The following CTNNB1 variants were observed in gnomAD, a reference collection of about 807,000 sequenced individuals.
CTNNB1 encodes the protein catenin beta 1.
A neutral mutation model predicts 82.5 loss-of-function variants in CTNNB1; 6 were observed. That is an observed-to-expected ratio of 0.07 (90% CI 0.04 to 0.14). The LOEUF (loss-of-function observed/expected upper bound fraction) is 0.14. CTNNB1 is among the 10% of genes least tolerant of loss of function. CTNNB1 has a pLI of 1.00. For synonymous variants in CTNNB1, 312 were observed against 329.7 expected, an observed-to-expected ratio of 0.95 and a Z score of 0.58; for missense variants, 529 against 980.4, an observed-to-expected ratio of 0.54 and a Z score of 6.15.
intron 1 of CTNNB1, among the ~76,000 whole-genome samples, chr3:41,219,779 A>G (rs1018192156): frequency 1.3e-5 from 2 of 152,188 alleles, no homozygotes; most frequent in Non-Finnish European, 2.9e-5. Context: ...TAAACTCAGT[A>G]ACAGTGTTTC....
At chr3:41,217,384 A>G (rs1363920133) in intron 1 of CTNNB1, among the ~76,000 whole-genome samples, 3 of 152,232 alleles carry the variant, frequency 2.0e-5, no homozygotes, top group African/African-American at 4.8e-5. Flanking sequence ...CACTGTATGT[A>G]TGATCTTGTT....
rs2078529443 is a variant in CTNNB1, at chr3:41,239,713, C to T, written c.*371C>T. ...GGCCTGTAGAGTTGCTGAGAGGGCT[C>T]GAGGGGTGGGCTGGTATCTCAGAAA... On this transcript the variant is annotated 3_prime_UTR_variant, in exon 15 of 15. Coordinates refer to ENST00000349496, the MANE Select transcript of CTNNB1 (RefSeq NM_001904.4). 2 of 376,554 alleles carry T rather than the reference C, an allele frequency of 5.3e-6. No individual in the cohort carries two copies. The highest frequency in any genetic ancestry group is 9.8e-6 in the Non-Finnish European group (2 of 203,076). The allele number at this position is 376,554 out of a possible 1,614,324, so 23.3% of individuals were successfully genotyped here. A position where few individuals can be genotyped will look rare whatever the true frequency, so the allele number is the denominator to read the frequency against.
chr3:41,232,240 T>C (rs2078326062), intron 7 of CTNNB1, among the ~76,000 whole-genome samples: 1 of 152,100 alleles, frequency 6.6e-6, no homozygotes, highest in South Asian at 2.1e-4. Context: ...CTCTTAGAGT[T>C]AATAGTTATG....
At chr3:41,224,421 C>G (rs1382338834) in intron 2 of CTNNB1, 105 bp from the exon 3 acceptor site, 1 of 1,217,958 alleles carries the variant, frequency 8.2e-7, no homozygotes, top group African/African-American at 1.5e-5. Flanking sequence ...TCAGATTTGA[C>G]TTTATTTCTA....
In CTNNB1 at chr3:41,225,408, T is replaced by C. The variant is rs779668005; in HGVS notation, c.570T>C (p.Arg190=). ...AAGCTTCCAGACACGCTATCATGCG[T>C]TCTCCTCAGATGGTGTCTGCTATTG... ...KKEASRHAIM[R]SPQMVSAIVR... The change falls in exon 5 of 15, where the codon CGT becomes CGC. Residue 190 remains arginine, a synonymous_variant. Transcript: ENST00000349496. The surrounding 1 kb of genome is among the most constrained non-coding windows in gnomAD (Gnocchi z 5.3). The C allele has an allele frequency of 1.2e-6, 2 of 1,613,930 alleles. No individual in the cohort carries two copies. The highest frequency in any genetic ancestry group is 2.2e-5 in the South Asian group (2 of 91,070).
chr3:41,205,154 A>G lies in CTNNB1; in HGVS notation c.-49+5484A>G, dbSNP rs137932516. Among the ~76,000 whole-genome samples the G allele has an allele frequency of 2.4e-3, 363 of 152,318 alleles. 1 individual carries two copies. The highest frequency in any genetic ancestry group is 0.01 in the Middle Eastern group (3 of 294). On this transcript the variant is annotated intron_variant, in intron 1 of 14. Coordinates refer to ENST00000349496, the MANE Select transcript of CTNNB1 (RefSeq NM_001904.4). ...GTCAAATGCTGGACAAATTCTGTGT[A>G]TACAACTCAAGTCAGCCCCCAATTT...
In CTNNB1 at chr3:41,238,003, C is replaced by T; in HGVS notation, c.2077-13C>T. ...GCTTTCTATTCTTCCTTGCTTTGTG[C>T]ATGTTTATCTAGACTGCTGATCTTG... On this transcript the variant is annotated splice_polypyrimidine_tract_variant and intron_variant, in intron 13 of 14. Coordinates refer to ENST00000349496, the MANE Select transcript of CTNNB1 (RefSeq NM_001904.4). 1 of 1,611,800 alleles carries T rather than the reference C, an allele frequency of 6.2e-7. No homozygotes were observed. Among genetic ancestry groups the T allele is most frequent in the Non-Finnish European group, 8.5e-7 (1 of 1,177,928 alleles).
chr3:41,204,971 A>T (rs1041018379), intron 1 of CTNNB1, among the ~76,000 whole-genome samples: 1 of 152,246 alleles, frequency 6.6e-6, no homozygotes, highest in Admixed American at 6.5e-5. Flanking sequence ...TTATCAACTT[A>T]TTTGTGAAGA....
intron 1 of CTNNB1, among the ~76,000 whole-genome samples, chr3:41,219,739 A>G (rs2077997904): frequency 6.6e-6 from 1 of 152,214 alleles, no homozygotes; most frequent in Non-Finnish European, 1.5e-5. Context: ...TTGTGGAGCT[A>G]TGCATGAAAG....
At chr3:41,208,982 GA>G in intron 1 of CTNNB1, among the ~76,000 whole-genome samples, 1 of 151,984 alleles carries the variant, frequency 6.6e-6, no homozygotes, top group Admixed American at 6.5e-5. Context: ...GTTTTCTTTT[GA>G]ACCCCTGCCA....
intron 10 of CTNNB1, chr3:41,235,489 C>T: frequency 1.8e-6 from 1 of 571,224 alleles, no homozygotes; most frequent in Non-Finnish European, 3.1e-6. Context: ...GGATTCAGCG[C>T]TGTATGGAAG....
chr3:41,226,678 T>C (rs898629745), intron 6 of CTNNB1, among the ~76,000 whole-genome samples: 4 of 152,168 alleles, frequency 2.6e-5, no homozygotes, highest in Non-Finnish European at 4.4e-5. Flanking sequence ...AGCAGAAGCC[T>C]GAAATGATGA....
rs577989463 is a variant in CTNNB1 at position 41,238,490 on chromosome 3, A to C, written c.2137+414A>C. The C allele has an allele frequency of 1.6e-4, 32 of 199,478 alleles. No individual in the cohort carries two copies. The Middle Eastern group carries it at 0.011, about 68-fold the overall frequency. The allele number at this position is 199,478 out of a possible 1,614,324, so 12.4% of individuals were successfully genotyped here. On this transcript the variant is annotated intron_variant, in intron 14 of 14. Transcript: ENST00000349496. Reference sequence around the variant, plus strand: ...CATTATCATCAGGGTTTTCTTGAAAAGCTAATTTAAATCTGGGTAATGAAC... The same window carrying C: ...CATTATCATCAGGGTTTTCTTGAAACGCTAATTTAAATCTGGGTAATGAAC...
intron 1 of CTNNB1, among the ~76,000 whole-genome samples, chr3:41,218,442 C>A (rs1022545912): frequency 6.6e-6 from 1 of 152,092 alleles, no homozygotes; most frequent in African/African-American, 2.4e-5. Context: ...CATTTACTCT[C>A]GTATGTATCT....
chr3:41,224,504 T>G, intron 2 of CTNNB1, 22 bp from the exon 3 acceptor site: 1 of 1,584,630 alleles, frequency 6.3e-7, no homozygotes, highest in East Asian at 2.2e-5. Flanking sequence ...CTACTAATGC[T>G]AATACTGTTT....
At chr3:41,200,168 A>G (rs2077493370) in intron 1 of CTNNB1, 1 of 152,088 alleles carries the variant, frequency 6.6e-6, no homozygotes, top group Non-Finnish European at 1.5e-5. Context: ...AGTCCTGGGG[A>G]TCGGACCAGT....
At chr3:41,235,621 G>A (rs752267360) in intron 10 of CTNNB1, 103 bp from the exon 11 acceptor site, 185 of 1,483,888 alleles carry the variant, frequency 1.2e-4, no homozygotes, top group Non-Finnish European at 1.6e-4. Flanking sequence ...TGCAAGTTAC[G>A]GGGAACTTCG....
intron 1 of CTNNB1, among the ~76,000 whole-genome samples, chr3:41,213,614 T>C (rs1401422556): frequency 6.6e-6 from 1 of 152,206 alleles, no homozygotes; most frequent in Admixed American, 6.5e-5. Context: ...GGTATTGCTA[T>C]GACCTGAAAC....
chr3:41,227,571 G>A (rs1487041600), intron 7 of CTNNB1, among the ~76,000 whole-genome samples: 7 of 152,242 alleles, frequency 4.6e-5, no homozygotes, highest in Middle Eastern at 3.4e-3. Flanking sequence ...AAAAATGATG[G>A]CATATGTTTT....
Sources: gnomAD v4.1 joint callset for allele counts (sites outside exome capture counted in the v4.1 genomes callset) on GRCh38, gnomAD v4.1.1 for gene constraint, Gnocchi (gnomAD v3.1) non-coding constraint, MANE v1.5 for transcripts, NCBI Gene and HGNC (gene_info 2026-07-23, HGNC 2026-07-21) for gene names.